TTC19: variants seen among roughly 807,000 people sequenced by gnomAD.
TTC19 encodes tetratricopeptide repeat protein 19, mitochondrial.
Under a neutral mutation model 49.5 loss-of-function variants are expected in TTC19, and 38 were observed. That is an observed-to-expected ratio of 0.77 (90% CI 0.59 to 1.01). The LOEUF (loss-of-function observed/expected upper bound fraction) is 1.01. Ranked by LOEUF, TTC19 falls within the 50% of genes least tolerant of loss-of-function variation. TTC19 has a pLI of 0.00. For missense variants in TTC19, 475 were observed against 477.7 expected (o/e 0.99, Z 0.05); for synonymous variants, 204 against 185.2 (o/e 1.10, Z -0.83).
chr17:16,024,941 C>T, intron 7 of TTC19, 76 bp from the exon 8 acceptor site: 1 of 1,330,906 alleles, frequency 7.5e-7, no homozygotes, highest in Non-Finnish European at 1.1e-6. Context: ...ACATGTGGGT[C>T]CCATTCTGCT....
intron 2 of TTC19, chr17:16,040,331 T>G (rs747689740): frequency 2.3e-6 from 2 of 887,318 alleles, no homozygotes; most frequent in East Asian, 5.2e-5. Flanking sequence ...TATTTTTCCA[T>G]ATTAGAGCAG....
At chr17:16,022,060 A>AT (rs955184587) in intron 7 of TTC19, among the ~76,000 whole-genome samples, 25 of 149,452 alleles carry the variant, frequency 1.7e-4, no homozygotes, top group Non-Finnish European at 3.0e-4. Flanking sequence ...GAGTGGTGCA[A>AT]TTTTTTTCAC....
At chr17:16,031,057 A>T (rs1418470564), downstream of TTC19, 1 of 193,616 alleles carries the variant, frequency 5.2e-6, no homozygotes, top group Admixed American at 6.1e-5. Context: ...TTCAGCAAGC[A>T]ATTCTTAATG....
At chr17:16,043,554 T>C (rs1019238920) in intron 2 of TTC19, among the ~76,000 whole-genome samples, 2 of 152,232 alleles carry the variant, frequency 1.3e-5, no homozygotes, top group Admixed American at 1.3e-4. Flanking sequence ...CATAGTACGC[T>C]ACTGAAAACA....
intron 4 of TTC19, among the ~76,000 whole-genome samples, chr17:16,003,619 A>T (rs1204711783): frequency 6.6e-6 from 1 of 152,042 alleles, no homozygotes; most frequent in Non-Finnish European, 1.5e-5. Flanking sequence ...ATCAGAGAGT[A>T]GTTTAAGGTA....
At chr17:16,022,102 T>C (rs1971403498) in intron 7 of TTC19, among the ~76,000 whole-genome samples, 1 of 144,454 alleles carries the variant, frequency 6.9e-6, no homozygotes, top group African/African-American at 2.9e-5. Flanking sequence ...GTGGTCCTAA[T>C]GGTAATCATC....
At chr17:16,039,401 G>A (rs1340111856) in intron 2 of TTC19, 2 of 1,596,114 alleles carry the variant, frequency 1.3e-6, no homozygotes, top group South Asian at 1.1e-5. Context: ...TTGGGGAAAA[G>A]CAGCAGAAAA....
At chr17:16,041,776 G>A (rs906143743) in intron 2 of TTC19, among the ~76,000 whole-genome samples, 22 of 148,470 alleles carry the variant, frequency 1.5e-4, no homozygotes, top group African/African-American at 2.5e-4. Context: ...TCACTCTGCC[G>A]CCCAGGCTGG....
At chr17:16,025,224 A>T in intron 8 of TTC19, 53 bp downstream of exon 8, 1 of 1,571,224 alleles carries the variant, frequency 6.4e-7, no homozygotes, top group Non-Finnish European at 8.7e-7. Flanking sequence ...TTCAAAATTG[A>T]AGGGTGTGAA....
At chr17:16,032,061 A>G (rs1369031603), downstream of TTC19, 2 of 477,930 alleles carry the variant, frequency 4.2e-6, no homozygotes, top group African/African-American at 4.1e-5. Flanking sequence ...TCAACCCTCC[A>G]CTATTATTAT....
At chr17:16,044,837 G>A (rs1438017757) in exon 3 of TTC19, 3 of 1,042,528 alleles carry the variant, frequency 2.9e-6, no homozygotes, top group Non-Finnish European at 4.4e-6. Flanking sequence ...TCCAGCAGCT[G>A]GTGCTGCACC....
chr17:16,043,168 A>G (rs530916053), intron 2 of TTC19, among the ~76,000 whole-genome samples: 1 of 152,336 alleles, frequency 6.6e-6, no homozygotes, highest in South Asian at 2.1e-4. Flanking sequence ...AAAAGCTGCA[A>G]AGAGATCCAA....
chr17:16,013,173 C>T (rs1971122228), intron 7 of TTC19, among the ~76,000 whole-genome samples: 1 of 152,170 alleles, frequency 6.6e-6, no homozygotes, highest in Non-Finnish European at 1.5e-5. Flanking sequence ...CACTGTCCTT[C>T]AGCACAGGCA....
At chr17:16,026,224 A>T (rs1001808348) in intron 8 of TTC19, among the ~76,000 whole-genome samples, 1 of 152,160 alleles carries the variant, frequency 6.6e-6, no homozygotes, top group Admixed American at 6.5e-5. Context: ...CTTAAAGGAG[A>T]TAATATGTGT....
chr17:16,007,451 T>C (rs548191049), intron 7 of TTC19, among the ~76,000 whole-genome samples: 2 of 152,226 alleles, frequency 1.3e-5, no homozygotes, highest in East Asian at 3.9e-4. Context: ...TTTTTTGTTT[T>C]TTGTTTTTTG....
At chr17:16,021,936 A>G (rs1216359221) in intron 7 of TTC19, among the ~76,000 whole-genome samples, 2 of 152,220 alleles carry the variant, frequency 1.3e-5, no homozygotes, top group Admixed American at 1.3e-4. Context: ...AAATTTAGAC[A>G]TCAAATTTAC....
chr17:16,030,327 A>G (rs1215034030), downstream of TTC19: 3 of 223,782 alleles, frequency 1.3e-5, no homozygotes, highest in East Asian at 1.3e-4. Flanking sequence ...AAATCCATGT[A>G]TAAGTGGACC....
Position 16,028,135 on chromosome 17 carries a change from AGT to A in TTC19, c.*615_*616del. ...TAGCACCCATTTGAATTTAAATAAA[AGT>A]GAACCATATTTATCTGGTTATATAA... is the stretch of plus-strand genomic sequence containing the variant. On this transcript the variant is annotated 3_prime_UTR_variant, in exon 10 of 10. Coordinates refer to ENST00000261647, the MANE Select transcript of TTC19 (RefSeq NM_017775.4). 2.2e-6 allele frequency: 1 copy of A among 454,120 alleles called. No individual in the cohort carries two copies. The highest frequency in any genetic ancestry group is 1.6e-5 in the South Asian group (1 of 64,474). 28.1% of individuals were successfully genotyped at this position (454,120 alleles called of 1,614,324 possible).
intron 7 of TTC19, among the ~76,000 whole-genome samples, chr17:16,020,134 C>T (rs1472902322): frequency 6.6e-6 from 1 of 152,112 alleles, no homozygotes; most frequent in African/African-American, 2.4e-5. Flanking sequence ...AACCAAATTG[C>T]TGATCAAAGT....
Sources: gnomAD v4.1 joint callset for allele counts (sites outside exome capture counted in the v4.1 genomes callset) on GRCh38, gnomAD v4.1.1 for gene constraint, MANE v1.5 for transcripts, NCBI Gene and HGNC (gene_info 2026-07-23, HGNC 2026-07-21) for gene names.